The following PLEKHA2 variants were observed in gnomAD, a reference collection of about 807,000 sequenced individuals.
The protein encoded by PLEKHA2 is pleckstrin homology domain-containing family A member 2.
Under a neutral mutation model 53.2 loss-of-function variants are expected in PLEKHA2, and 28 were observed. The observed-to-expected ratio is 0.53, with a 90% CI of 0.39 to 0.72. The LOEUF (loss-of-function observed/expected upper bound fraction) is 0.72. Among genes scored for constraint, PLEKHA2 ranks in the 30% least tolerant of loss-of-function variants. The pLI is 0.00. For synonymous variants in PLEKHA2, 193 were observed against 196.4 expected, an observed-to-expected ratio of 0.98 and a Z score of 0.14; for missense variants, 426 against 537.9, an observed-to-expected ratio of 0.79 and a Z score of 2.06.
chr8:38,927,087 T>A (rs749485525), intron 2 of PLEKHA2, among the ~76,000 whole-genome samples: 3 of 152,262 alleles, frequency 2.0e-5, no homozygotes, highest in Non-Finnish European at 4.4e-5. Flanking sequence ...ATGACTATTC[T>A]AAGTTTTCTC....
intron 9 of PLEKHA2, among the ~76,000 whole-genome samples, chr8:38,954,097 G>T (rs1834893232): frequency 6.6e-6 from 1 of 152,168 alleles, no homozygotes; most frequent in South Asian, 2.1e-4. Context: ...GAGACAGGGT[G>T]TTTGTGTCCC....
chr8:38,919,654 T>G (rs867091837), intron 2 of PLEKHA2, among the ~76,000 whole-genome samples: 5 of 152,222 alleles, frequency 3.3e-5, no homozygotes, highest in Admixed American at 3.3e-4. Context: ...TCTAGTGATC[T>G]TGGGCATTTG....
chr8:38,942,407 T>C (rs769884408), intron 3 of PLEKHA2, among the ~76,000 whole-genome samples: 11 of 152,026 alleles, frequency 7.2e-5, no homozygotes, highest in Non-Finnish European at 1.3e-4. Context: ...GGTCTCATTC[T>C]GGGCTCAAGT....
intron 5 of PLEKHA2, among the ~76,000 whole-genome samples, chr8:38,949,210 A>G (rs2129421752): frequency 6.7e-6 from 1 of 149,820 alleles, no homozygotes; most frequent in South Asian, 2.1e-4. Flanking sequence ...TAAATGACTC[A>G]ACTGTTCTGG....
At chr8:38,906,716 G>A (rs1833882654) in intron 1 of PLEKHA2, among the ~76,000 whole-genome samples, 2 of 152,206 alleles carry the variant, frequency 1.3e-5, no homozygotes, top group African/African-American at 4.8e-5. Flanking sequence ...CACTTCCTAA[G>A]TTATAATCTT....
At chr8:38,920,512 T>C (rs1423776135) in intron 2 of PLEKHA2, among the ~76,000 whole-genome samples, 1 of 151,854 alleles carries the variant, frequency 6.6e-6, no homozygotes, top group African/African-American at 2.4e-5. Context: ...TCACCTCAAG[T>C]GATCTGCCTG....
intron 2 of PLEKHA2, among the ~76,000 whole-genome samples, chr8:38,921,565 C>T (rs1834194565): frequency 6.6e-6 from 1 of 152,354 alleles, no homozygotes; most frequent in African/African-American, 2.4e-5. Context: ...CTGTGCTAAG[C>T]CTGGACGCTG....
At chr8:38,913,890 A>T (rs10109778) in intron 1 of PLEKHA2, among the ~76,000 whole-genome samples, 1 of 152,068 alleles carries the variant, frequency 6.6e-6, no homozygotes, top group Non-Finnish European at 1.5e-5. Context: ...AACTTGCTCC[A>T]TTGTGAAACT....
chr8:38,928,289 C>T (rs1312169555), intron 2 of PLEKHA2, among the ~76,000 whole-genome samples: 1 of 139,466 alleles, frequency 7.2e-6, no homozygotes, highest in Non-Finnish European at 1.5e-5. Context: ...CACTCTGTCA[C>T]CCAGGCTGGA....
chr8:38,915,605 T>C (rs527599871), intron 1 of PLEKHA2, among the ~76,000 whole-genome samples: 5 of 152,320 alleles, frequency 3.3e-5, no homozygotes, highest in South Asian at 4.1e-4. Context: ...TCTCCAAATA[T>C]AGCCACATTT....
intron 1 of PLEKHA2, among the ~76,000 whole-genome samples, chr8:38,915,492 T>G (rs945700166): frequency 6.6e-6 from 1 of 152,238 alleles, no homozygotes; most frequent in Non-Finnish European, 1.5e-5. Flanking sequence ...CCTCCCTGTG[T>G]CTTCACAGGG....
intron 10 of PLEKHA2, among the ~76,000 whole-genome samples, chr8:38,963,404 T>TA (rs1224203979): frequency 1.2e-4 from 18 of 152,104 alleles, no homozygotes; most frequent in African/African-American, 1.9e-4. Context: ...GCTATATATA[T>TA]TTTTTTAAAC....
At position 38,971,991 on chromosome 8, in the gene PLEKHA2, C is replaced by A. The variant is rs956778673; in HGVS notation, c.*2208C>A. 2 of 152,034 alleles carry A rather than the reference C, an allele frequency of 1.3e-5. No individual in the cohort carries two copies. The highest frequency in any genetic ancestry group is 2.9e-5 in the Non-Finnish European group (2 of 68,002). 9.4% of individuals were successfully genotyped at this position (152,034 alleles called of 1,614,324 possible). ...AGGTTACTATTGCTAAATTAATTGGCCATTATAATAAGCTGATTTGTTTCT... is the reference window on the plus strand; with the variant it reads ...AGGTTACTATTGCTAAATTAATTGGACATTATAATAAGCTGATTTGTTTCT... On this transcript the variant is annotated 3_prime_UTR_variant, in exon 12 of 12. Coordinates refer to ENST00000617275, the MANE Select transcript of PLEKHA2 (RefSeq NM_021623.2).
At position 38,969,799 on chromosome 8, in the gene PLEKHA2, TGGGAGGGAGGGA is replaced by T. The variant is rs201022943; in HGVS notation, c.*27_*38del. ...TGATGTGTGATGGAGCACAGTGCCA[TGGGAGGGAGGGA>T]GGGAGGGAGGACTTGAGAGAAGGAG... is the stretch of plus-strand genomic sequence containing the variant. On this transcript the variant is annotated 3_prime_UTR_variant, in exon 12 of 12. Transcript: ENST00000617275. 34 of 406,054 alleles carry T rather than the reference TGGGAGGGAGGGA, an allele frequency of 8.4e-5. No individual in the cohort carries two copies. In the East Asian group the frequency reaches 8.8e-4, roughly 10 times the overall value. 25.2% of individuals were successfully genotyped at this position (406,054 alleles called of 1,614,324 possible). A position where few individuals can be genotyped will look rare whatever the true frequency, so the allele number is the denominator to read the frequency against.
Position 38,922,625 on chromosome 8 carries a change from G to A in PLEKHA2, c.141+4555G>A, listed in dbSNP as rs1834213253. Among the ~76,000 whole-genome samples the A allele has an allele frequency of 6.6e-6, 1 of 152,222 alleles. No homozygotes were observed. Among genetic ancestry groups the A allele is most frequent in the African/African-American group, 2.4e-5 (1 of 41,450 alleles). ...ATTTAATAGGCAGTAATAAGCAGAA[G>A]ATTTTTGGACCCAGGTCTCCGATCT... On this transcript the variant is annotated intron_variant, in intron 2 of 11. Transcript: ENST00000617275. The surrounding 1 kb of genome is among the most constrained non-coding windows in gnomAD (Gnocchi z 4.0).
Position 38,970,867 on chromosome 8 carries a change from A to T in PLEKHA2, c.*1084A>T, listed in dbSNP as rs1835236128. 1 of 152,208 alleles carries T rather than the reference A, an allele frequency of 6.6e-6. No homozygotes were observed. The highest frequency in any genetic ancestry group is 2.1e-4 in the South Asian group (1 of 4,832). The allele number at this position is 152,208 out of a possible 1,614,324, so 9.4% of individuals were successfully genotyped here. A position where few individuals can be genotyped will look rare whatever the true frequency, so the allele number is the denominator to read the frequency against. The stretch of plus-strand genomic sequence containing the variant: ...GTACCTCCTTCCATTTGATAAGAAG[A>T]TGCTATTTCCAGTGTCCCTGGGAGA... On this transcript the variant is annotated 3_prime_UTR_variant, in exon 12 of 12. Coordinates refer to ENST00000617275, the MANE Select transcript of PLEKHA2 (RefSeq NM_021623.2).
intron 1 of PLEKHA2, among the ~76,000 whole-genome samples, chr8:38,906,137 CTT>C (rs1355187134): frequency 1.3e-5 from 2 of 152,236 alleles, no homozygotes; most frequent in Non-Finnish European, 2.9e-5. Context: ...TGTGGGGAAA[CTT>C]TCACAATTCT....
At chr8:38,967,181 G>T (rs983115041) in intron 10 of PLEKHA2, among the ~76,000 whole-genome samples, 1 of 151,946 alleles carries the variant, frequency 6.6e-6, no homozygotes, top group Non-Finnish European at 1.5e-5. Flanking sequence ...TTTCTTTATC[G>T]AGTCCTCTGT....
intron 1 of PLEKHA2, among the ~76,000 whole-genome samples, chr8:38,902,702 A>G (rs1833810801): frequency 6.6e-6 from 1 of 152,210 alleles, no homozygotes; most frequent in African/African-American, 2.4e-5. Context: ...AAAGATCTTG[A>G]AAGAATAGAA....
Sources: gnomAD v4.1 joint callset for allele counts (sites outside exome capture counted in the v4.1 genomes callset) on GRCh38, gnomAD v4.1.1 for gene constraint, Gnocchi (gnomAD v3.1) non-coding constraint, MANE v1.5 for transcripts, NCBI Gene and HGNC (gene_info 2026-07-23, HGNC 2026-07-21) for gene names.